DGKB: variants seen among roughly 807,000 people sequenced by gnomAD.
DGKB encodes 90 kDa diacylglycerol kinase.
Under a neutral mutation model 114.3 loss-of-function variants are expected in DGKB, and 67 were observed. The observed-to-expected ratio is 0.59, with a 90% CI of 0.48 to 0.72. The LOEUF is 0.72. Ranked by LOEUF, DGKB falls within the 30% of genes least tolerant of loss-of-function variation. The probability of loss-of-function intolerance (pLI) is 0.00; values close to 1 mark genes in which losing one functional copy is unlikely to be tolerated. For synonymous variants in DGKB, 398 were observed against 323.1 expected (o/e 1.23, Z -2.49); for missense variants, 907 against 975.2 (o/e 0.93, Z 0.93).
chr7:14,369,522 T>C (rs1421458625), intron 21 of DGKB, among the ~76,000 whole-genome samples: 1 of 152,246 alleles, frequency 6.6e-6, no homozygotes, highest in Non-Finnish European at 1.5e-5. Context: ...GTTGAACTAA[T>C]TTACACTCCC....
chr7:14,265,590 A>G (rs1473613737), intron 23 of DGKB, among the ~76,000 whole-genome samples: 2 of 151,974 alleles, frequency 1.3e-5, no homozygotes, highest in African/African-American at 2.4e-5. Flanking sequence ...TGACTTCTTC[A>G]TATATTCCAT....
At chr7:14,873,146 A>C (rs1852735942) in intron 1 of DGKB, among the ~76,000 whole-genome samples, 2 of 152,098 alleles carry the variant, frequency 1.3e-5, no homozygotes, top group Admixed American at 1.3e-4. Flanking sequence ...AATTTTCATG[A>C]ATGTTCGTTA....
intron 20 of DGKB, among the ~76,000 whole-genome samples, chr7:14,572,193 C>T (rs1798486168): frequency 6.6e-6 from 1 of 151,930 alleles, no homozygotes; most frequent in Non-Finnish European, 1.5e-5. Flanking sequence ...GTAGCTCATG[C>T]CTGTAATCCC....
intron 20 of DGKB, among the ~76,000 whole-genome samples, chr7:14,530,949 A>G (rs1791486446): frequency 6.6e-6 from 1 of 151,690 alleles, no homozygotes; most frequent in Non-Finnish European, 1.5e-5. Flanking sequence ...TTAAATTTAA[A>G]CCAAAAAAAT....
chr7:14,419,977 A>C (rs1455254632), intron 21 of DGKB, among the ~76,000 whole-genome samples: 2 of 152,058 alleles, frequency 1.3e-5, no homozygotes, highest in African/African-American at 4.8e-5. Flanking sequence ...AATAATGTCA[A>C]CTTATACTGC....
At chr7:14,600,224 C>T (rs1803299666) in intron 17 of DGKB, among the ~76,000 whole-genome samples, 1 of 152,086 alleles carries the variant, frequency 6.6e-6, no homozygotes, top group African/African-American at 2.4e-5. Flanking sequence ...TCCCTTGAGC[C>T]ATTTTATAAG....
At chr7:14,720,296 T>A (rs1000565357) in intron 5 of DGKB, among the ~76,000 whole-genome samples, 8 of 152,180 alleles carry the variant, frequency 5.3e-5, no homozygotes, top group South Asian at 4.2e-4. Context: ...CATCCTTTTT[T>A]ATTTTTAATT....
At chr7:14,546,948 A>G (rs1404213409) in intron 20 of DGKB, among the ~76,000 whole-genome samples, 1 of 152,104 alleles carries the variant, frequency 6.6e-6, no homozygotes, top group Non-Finnish European at 1.5e-5. Flanking sequence ...ATTTTTCCCA[A>G]CTTTCCAAAA....
intron 23 of DGKB, among the ~76,000 whole-genome samples, chr7:14,193,176 GA>G (rs34575063): frequency 0.67 from 95,345 of 142,808 alleles, 31,817 homozygotes; most frequent in South Asian, 0.77. Flanking sequence ...CAGAGAAATA[GA>G]AAAAAAAAAA....
At position 14,282,757 on chromosome 7, in the gene DGKB, A is replaced by T. The variant is rs1021400538; in HGVS notation, c.2122+55758T>A. 4.1e-3 allele frequency among the ~76,000 whole-genome samples: 618 copies of T among 152,278 alleles called. 2 individuals carry two copies. The highest frequency in any genetic ancestry group is 0.014 in the African/African-American group (597 of 41,560). On this transcript the variant is annotated intron_variant, in intron 23 of 25. Transcript: ENST00000402815. ...CAGCATATAAACAGAGCCAAAGACA[A>T]AAACCACATGATTATCTCAATAGAT...
intron 17 of DGKB, among the ~76,000 whole-genome samples, chr7:14,602,874 T>G (rs1002997970): frequency 6.6e-6 from 1 of 152,128 alleles, no homozygotes; most frequent in Admixed American, 6.6e-5. Context: ...TTCTTTAGAG[T>G]GTTTCAGCAA....
chr7:14,839,544 T>C (rs1847631065), intron 2 of DGKB, among the ~76,000 whole-genome samples: 1 of 151,440 alleles, frequency 6.6e-6, no homozygotes, highest in South Asian at 2.1e-4. Flanking sequence ...TGGGACTACA[T>C]GTGCATGCCA....
chr7:14,263,419 G>T (rs1048056717), intron 23 of DGKB, among the ~76,000 whole-genome samples: 2 of 151,946 alleles, frequency 1.3e-5, no homozygotes, highest in Non-Finnish European at 2.9e-5. Flanking sequence ...TTGCAATTTT[G>T]CCCCAACCCA....
chr7:14,243,545 A>C (rs1046454003), intron 23 of DGKB, among the ~76,000 whole-genome samples: 17 of 152,356 alleles, frequency 1.1e-4, no homozygotes, highest in African/African-American at 4.1e-4. Context: ...TATTAGAAAT[A>C]TAGGAGCTAT....
intron 23 of DGKB, among the ~76,000 whole-genome samples, chr7:14,193,660 C>T (rs1321944754): frequency 1.3e-5 from 2 of 152,040 alleles, no homozygotes; most frequent in Admixed American, 1.3e-4. Context: ...AATAAGATCT[C>T]AAAAGCACAG....
Position 14,180,062 on chromosome 7 carries a change from T to C in DGKB, c.2123-1911A>G, listed in dbSNP as rs115489382. 6.8e-3 allele frequency among the ~76,000 whole-genome samples: 1,031 copies of C among 152,256 alleles called. 13 individuals carry two copies. The highest frequency in any genetic ancestry group is 0.024 in the African/African-American group (989 of 41,568). ...GATATATGTCAACCAGAAAACGACA[T>C]TGTGGCAAGCACTGAAGCCCCAGAT... is the stretch of plus-strand genomic sequence containing the variant. On this transcript the variant is annotated intron_variant, in intron 23 of 25. Transcript: ENST00000402815.
At chr7:14,466,645 CAA>C (rs57888491) in intron 21 of DGKB, among the ~76,000 whole-genome samples, 4,036 of 138,496 alleles carry the variant, frequency 0.029, 139 homozygotes, top group African/African-American at 0.085. Flanking sequence ...ATGAATAAAC[CAA>C]AAAAAAAAAA....
intron 21 of DGKB, among the ~76,000 whole-genome samples, chr7:14,348,338 G>A (rs1259181650): frequency 6.6e-6 from 1 of 151,988 alleles, no homozygotes; most frequent in Admixed American, 6.6e-5. Flanking sequence ...TTTTATCACT[G>A]AGTAGTAGTA....
intron 15 of DGKB, among the ~76,000 whole-genome samples, chr7:14,617,959 T>C (rs566537251): frequency 6.6e-6 from 1 of 151,828 alleles, no homozygotes; most frequent in East Asian, 1.9e-4. Flanking sequence ...ATTTATTATC[T>C]ACCATTTTAT....
Sources: gnomAD v4.1 joint callset for allele counts (sites outside exome capture counted in the v4.1 genomes callset) on GRCh38, gnomAD v4.1.1 for gene constraint, MANE v1.5 for transcripts, NCBI Gene and HGNC (gene_info 2026-07-23, HGNC 2026-07-21) for gene names.